Variants in FAM193B observed in about 807,000 individuals in gnomAD.
FAM193B encodes the protein family with sequence similarity 193 member B, also known as protein FAM193B.
In FAM193B, 27 loss-of-function variants were observed where a neutral mutation model predicts 70.7. That is an observed-to-expected ratio of 0.38 (90% CI 0.28 to 0.53). The LOEUF is 0.53. FAM193B is among the 20% of genes least tolerant of loss of function. The pLI, the probability that FAM193B is intolerant of heterozygous loss-of-function variation, is 0.81. For missense variants in FAM193B, 1,022 were observed against 1,072.5 expected (o/e 0.95, Z 0.66); for synonymous variants, 448 against 436.0 (o/e 1.03, Z -0.34).
chr5:177,552,782 CTCAG>C (rs1158206585), intron 1 of FAM193B, among the ~76,000 whole-genome samples: 1 of 152,210 alleles, frequency 6.6e-6, no homozygotes, highest in Non-Finnish European at 1.5e-5. Context: ...GCTTCTGACA[CTCAG>C]TAAGTGCTGA....
At chr5:177,523,927 C>G (rs765815663) in intron 7 of FAM193B, 30 bp downstream of exon 7, 6 of 1,611,912 alleles carry the variant, frequency 3.7e-6, no homozygotes, top group Admixed American at 1.7e-5. Context: ...GAGTCCTCCA[C>G]AAGTGGGAGA....
intron 1 of FAM193B, 92 bp downstream of exon 1, chr5:177,554,157 G>A (rs1445616171): frequency 8.3e-6 from 12 of 1,452,072 alleles, no homozygotes; most frequent in African/African-American, 1.5e-5. Flanking sequence ...AGCCGCGGCA[G>A]GATGGCCCAT....
chr5:177,532,098 A>T lies in FAM193B; in HGVS notation c.1275+345T>A. On this transcript the variant is annotated intron_variant, in intron 5 of 8. Coordinates refer to ENST00000514747, the MANE Select transcript of FAM193B (RefSeq NM_001190946.3). This position sits in a 1 kb window ranked among gnomAD's most constrained non-coding sequence, Gnocchi z 4.9. ...GGGGACTGAGAGCCTTTTTGCTTCC[A>T]CTCTGCCTTCATCACTCCCAAGCGT... 1.5e-6 allele frequency: 2 copies of T among 1,309,380 alleles called. No individual in the cohort carries two copies. The highest frequency in any genetic ancestry group is 4.2e-4 in the Middle Eastern group (2 of 4,806). The allele number at this position is 1,309,380 out of a possible 1,614,324, so 81.1% of individuals were successfully genotyped here. A position where few individuals can be genotyped will look rare whatever the true frequency, so the allele number is the denominator to read the frequency against.
At chr5:177,523,445 C>T in intron 7 of FAM193B, 1 of 231,248 alleles carries the variant, frequency 4.3e-6, no homozygotes, top group South Asian at 4.7e-5. Flanking sequence ...TTTGTACTCA[C>T]TGGCCCCCTT....
chr5:177,537,484 C>T (rs1364152530), intron 3 of FAM193B, among the ~76,000 whole-genome samples: 4 of 152,176 alleles, frequency 2.6e-5, no homozygotes, highest in Admixed American at 2.0e-4. Flanking sequence ...TATACCCATC[C>T]CTTAGGTGGG....
At chr5:177,524,076 C>A in intron 6 of FAM193B, 44 bp from the exon 7 acceptor site, 1 of 1,613,776 alleles carries the variant, frequency 6.2e-7, no homozygotes, top group Non-Finnish European at 8.5e-7. Context: ...ATGGCCAGGC[C>A]TTTGGGGTTA....
At chr5:177,542,763 C>T (rs1476712011) in intron 1 of FAM193B, among the ~76,000 whole-genome samples, 2 of 152,244 alleles carry the variant, frequency 1.3e-5, no homozygotes, top group African/African-American at 4.8e-5. Flanking sequence ...CCATCTCCTC[C>T]TAGTACACTG....
Position 177,554,474 on chromosome 5 carries a change from G to C in FAM193B, c.-16C>G. On this transcript the variant is annotated 5_prime_UTR_variant, in exon 1 of 9. Coordinates refer to ENST00000514747, the MANE Select transcript of FAM193B (RefSeq NM_001190946.3). ...TCCGCGTCATGCCGCCGCTCGCGCC[G>C]CTCCCTCGCTCCACACGCCGCCGCC... 2.2e-6 allele frequency: 2 copies of C among 892,668 alleles called. 1 individual carries two copies. Among genetic ancestry groups the C allele is most frequent in the Non-Finnish European group, 2.5e-6 (2 of 790,034 alleles). The allele number at this position is 892,668 out of a possible 1,614,324, so 55.3% of individuals were successfully genotyped here.
At chr5:177,539,315 T>C in intron 1 of FAM193B, 168 bp from the exon 2 acceptor site, 1 of 762,628 alleles carries the variant, frequency 1.3e-6, no homozygotes. Context: ...CGAGGTGTTC[T>C]TATTCCCATT....
At chr5:177,540,696 G>A (rs1391641639) in intron 1 of FAM193B, among the ~76,000 whole-genome samples, 1 of 152,186 alleles carries the variant, frequency 6.6e-6, no homozygotes, top group African/African-American at 2.4e-5. Flanking sequence ...ACATGAGTGA[G>A]CCCAGCCGAG....
At chr5:177,545,240 CA>C (rs1425659619) in intron 1 of FAM193B, among the ~76,000 whole-genome samples, 36 of 152,120 alleles carry the variant, frequency 2.4e-4, no homozygotes, top group Non-Finnish European at 5.9e-5. Context: ...GACAGGGTTT[CA>C]CCATGTTGGC....
intron 1 of FAM193B, chr5:177,553,951 C>G: frequency 8.0e-7 from 1 of 1,250,828 alleles, no homozygotes; most frequent in Non-Finnish European, 1.0e-6. Flanking sequence ...GCCTCGGGAT[C>G]ACAGCCCAGT....
chr5:177,528,778 G>C (rs1763011924), intron 5 of FAM193B, among the ~76,000 whole-genome samples: 2 of 152,172 alleles, frequency 1.3e-5, no homozygotes, highest in Non-Finnish European at 2.9e-5. Flanking sequence ...TAAGGTACAG[G>C]AAGCCCAGGG....
Position 177,536,542 on chromosome 5 carries a change from C to T in FAM193B, c.892G>A (p.Ala298Thr). 4 of 1,532,846 alleles carry T rather than the reference C, an allele frequency of 2.6e-6. No homozygotes were observed. The highest frequency in any genetic ancestry group is 3.5e-6 in the Non-Finnish European group (4 of 1,146,778). The allele number at this position is 1,532,846 out of a possible 1,614,324, so 95.0% of individuals were successfully genotyped here. Reference protein sequence around the residue: ...AQASECPVAAATAPHTPGPCQ... With the variant: ...AQASECPVAATTAPHTPGPCQ... ...GGCCCTGGAGTGTGGGGGGCAGTGG[C>T]AGCAGCAACAGGGCACTCTGAAGCC... The change falls in exon 4 of 9, where the codon GCC becomes ACC. Residue 298 changes from alanine to threonine, a missense_variant. By Grantham distance (58) the Ala-to-Thr change is moderately conservative. Transcript: ENST00000514747.
chr5:177,524,258 T>G lies in FAM193B; in HGVS notation c.2223A>C (p.Pro741=), dbSNP rs1295908484. ...GGCCCTTGCCCTGGGGCAAGCTCTG[T>G]GGCCTTGCTGGGCCTGAGGGCTGCA... The part of the protein sequence containing the change: ...ESVQPSGPAR[P]QSLPQGKGRS... Residue 741 remains proline, a synonymous_variant, in exon 6 of 9, where the codon CCA becomes CCC. Transcript: ENST00000514747. The G allele has an allele frequency of 6.4e-7, 1 of 1,565,698 alleles. No individual in the cohort carries two copies. The highest frequency in any genetic ancestry group is 1.9e-5 in the Admixed American group (1 of 53,074).
chr5:177,546,351 G>A (rs1231287286), intron 1 of FAM193B, among the ~76,000 whole-genome samples: 5 of 152,220 alleles, frequency 3.3e-5, no homozygotes, highest in Admixed American at 3.3e-4. Flanking sequence ...TGAGCCCTCT[G>A]GGGGCAGTGT....
intron 7 of FAM193B, chr5:177,523,395 T>C: frequency 4.4e-6 from 1 of 229,864 alleles, no homozygotes; most frequent in South Asian, 4.3e-5. Flanking sequence ...ATTGCAGATA[T>C]GGAGGGTGAC....
intron 1 of FAM193B, among the ~76,000 whole-genome samples, chr5:177,552,633 G>C (rs966292870): frequency 3.9e-5 from 6 of 152,192 alleles, no homozygotes; most frequent in African/African-American, 1.4e-4. Context: ...CACTCCCACG[G>C]GGGTCCCAGA....
At chr5:177,531,529 TG>T (rs747256809) in intron 5 of FAM193B, 220 of 486,052 alleles carry the variant, frequency 4.5e-4, no homozygotes, top group Non-Finnish European at 6.3e-4. Flanking sequence ...TGGCTGGGGG[TG>T]GGGGGGAGGT....
Sources: allele counts gnomAD v4.1 joint callset (sites outside exome capture counted in the v4.1 genomes callset), GRCh38; gene constraint gnomAD v4.1.1; non-coding constraint Gnocchi (gnomAD v3.1); transcripts MANE v1.5; gene names NCBI Gene and HGNC (gene_info 2026-07-23, HGNC 2026-07-21).